DTNA: variants seen among roughly 807,000 people sequenced by gnomAD.
The protein encoded by DTNA is dystrophin-related protein 3.
A neutral mutation model predicts 100.7 loss-of-function variants in DTNA; 43 were observed. That is an observed-to-expected ratio of 0.43 (90% CI 0.33 to 0.55). The LOEUF (loss-of-function observed/expected upper bound fraction) is 0.55. DTNA is among the 20% of genes least tolerant of loss of function. The probability of loss-of-function intolerance (pLI) is 0.04; values close to 1 mark genes in which losing one functional copy is unlikely to be tolerated. For missense variants in DTNA, 798 were observed against 953.9 expected (o/e 0.84, Z 2.15); for synonymous variants, 349 against 347.9 (o/e 1.00, Z -0.04).
chr18:34,713,952 G>A (rs2083417778), intron 1 of DTNA, among the ~76,000 whole-genome samples: 1 of 152,012 alleles, frequency 6.6e-6, no homozygotes, highest in Non-Finnish European at 1.5e-5. Context: ...GCTGATCTTT[G>A]ACAAACCTGA....
rs1161269157 is a variant in DTNA, at chr18:34,885,009, A to G, written c.*31+233A>G. Among the ~76,000 whole-genome samples, 5 of 152,182 alleles carry G rather than the reference A, an allele frequency of 3.3e-5. No homozygotes were observed. The East Asian group carries it at 9.6e-4, about 29-fold the overall frequency. The stretch of plus-strand genomic sequence containing the variant: ...ACTTCTTACTCTATTAGCTAGGAAA[A>G]TTGGCACAAAGCTTCTAAACCTAGA... On this transcript the variant is annotated intron_variant, in intron 22 of 22. Coordinates refer to ENST00000444659, the MANE Select transcript of DTNA (RefSeq NM_001386795.1).
rs114795935 is a variant in DTNA, at chr18:34,833,611, A to C, written c.1175+4122A>C. Among the ~76,000 whole-genome samples the C allele has an allele frequency of 8.3e-3, 1,270 of 152,296 alleles. 18 individuals carry two copies. The highest frequency in any genetic ancestry group is 0.028 in the African/African-American group (1,145 of 41,558). ...TCAAAATTTACCATGCCATGCCCTC[A>C]AAGGTATGGCTGTTCCCACAACCAT... On this transcript the variant is annotated intron_variant, in intron 11 of 22. Coordinates refer to ENST00000444659, the MANE Select transcript of DTNA (RefSeq NM_001386795.1).
At chr18:34,507,816 G>A (rs987713879) in intron 1 of DTNA, among the ~76,000 whole-genome samples, 1 of 152,116 alleles carries the variant, frequency 6.6e-6, no homozygotes, top group African/African-American at 2.4e-5. Flanking sequence ...AGCTATACAG[G>A]GGATTGTGCT....
chr18:34,740,929 G>A (rs1481346687), intron 1 of DTNA, among the ~76,000 whole-genome samples: 2 of 152,186 alleles, frequency 1.3e-5, no homozygotes, highest in African/African-American at 2.4e-5. Flanking sequence ...TGTTTGTGGA[G>A]TGGAGGTGAT....
chr18:34,818,604 A>G, intron 8 of DTNA: 1 of 1,276,640 alleles, frequency 7.8e-7, no homozygotes, highest in East Asian at 3.7e-5. Flanking sequence ...TTTAAATAAC[A>G]ACTGAATAGC....
chr18:34,855,745 A>C (rs1429388740), intron 15 of DTNA, among the ~76,000 whole-genome samples: 2 of 152,222 alleles, frequency 1.3e-5, no homozygotes, highest in Non-Finnish European at 2.9e-5. Flanking sequence ...TCTTAGAAAG[A>C]AAAGACTAAC....
At chr18:34,820,467 T>A (rs925926486) in intron 8 of DTNA, among the ~76,000 whole-genome samples, 2 of 152,196 alleles carry the variant, frequency 1.3e-5, no homozygotes, top group Non-Finnish European at 2.9e-5. Flanking sequence ...CCCTTCACTG[T>A]TGCTGCTTCC....
intron 2 of DTNA, among the ~76,000 whole-genome samples, chr18:34,761,582 A>T (rs2093173989): frequency 6.6e-6 from 1 of 152,154 alleles, no homozygotes; most frequent in South Asian, 2.1e-4. Flanking sequence ...AGAAAGGAAA[A>T]ACTGCTGTTG....
chr18:34,830,366 A>G (rs1568683647), intron 11 of DTNA, among the ~76,000 whole-genome samples: 2 of 152,118 alleles, frequency 1.3e-5, no homozygotes, highest in Non-Finnish European at 2.9e-5. Context: ...AATGAGGCTG[A>G]ATTGAAATCC....
At chr18:34,645,450 G>A (rs948516796) in intron 1 of DTNA, among the ~76,000 whole-genome samples, 1 of 152,026 alleles carries the variant, frequency 6.6e-6, no homozygotes, top group Non-Finnish European at 1.5e-5. Flanking sequence ...ATTGACTAAG[G>A]GAAGAGGAAA....
At chr18:34,718,073 G>T (rs1229983511) in intron 1 of DTNA, among the ~76,000 whole-genome samples, 1 of 152,150 alleles carries the variant, frequency 6.6e-6, no homozygotes, top group Non-Finnish European at 1.5e-5. Flanking sequence ...TATCTTTTAA[G>T]CCCCCTTGAA....
intron 3 of DTNA, among the ~76,000 whole-genome samples, chr18:34,773,563 A>AT (rs2093892447): frequency 6.6e-6 from 1 of 152,160 alleles, no homozygotes; most frequent in Admixed American, 6.5e-5. Flanking sequence ...TTTACTACAT[A>AT]TTTTCATTCC....
chr18:34,499,033 T>C (rs2039601682), intron 1 of DTNA, among the ~76,000 whole-genome samples: 1 of 152,156 alleles, frequency 6.6e-6, no homozygotes, highest in East Asian at 1.9e-4. Flanking sequence ...TAGTACAATA[T>C]CACAACCAGG....
At chr18:34,522,482 C>T (rs1180311035) in intron 1 of DTNA, among the ~76,000 whole-genome samples, 2 of 152,190 alleles carry the variant, frequency 1.3e-5, no homozygotes, top group African/African-American at 4.8e-5. Context: ...TTGCTTCTTA[C>T]CTCTCACACT....
Position 34,863,946 on chromosome 18 carries a change from G to T in DTNA, c.1647-20G>T. On this transcript the variant is annotated intron_variant, in intron 16 of 22. Coordinates refer to ENST00000444659, the MANE Select transcript of DTNA (RefSeq NM_001386795.1). ...CAGAGAGTTGCATGCCGCTTCTGAT[G>T]TCAGCTGCTTCTTTCTTAGACAGCG... is the stretch of plus-strand genomic sequence containing the variant. 1.3e-6 allele frequency: 2 copies of T among 1,599,030 alleles called. No homozygotes were observed. The highest frequency in any genetic ancestry group is 1.7e-5 in the Admixed American group (1 of 58,990).
At chr18:34,598,865 C>CA (rs200715907) in intron 1 of DTNA, among the ~76,000 whole-genome samples, 16 of 148,488 alleles carry the variant, frequency 1.1e-4, no homozygotes, top group African/African-American at 3.7e-4. Context: ...GACTCCATCT[C>CA]AAAAAAAAAA....
chr18:34,836,516 C>T (rs1056923585), intron 11 of DTNA, among the ~76,000 whole-genome samples: 7 of 151,802 alleles, frequency 4.6e-5, no homozygotes, highest in South Asian at 2.1e-4. Context: ...GGTGTGGTGG[C>T]GCATGCCTGT....
intron 1 of DTNA, among the ~76,000 whole-genome samples, chr18:34,647,276 TG>T (rs1317106134): frequency 2.6e-5 from 4 of 152,290 alleles, no homozygotes; most frequent in African/African-American, 9.6e-5. Context: ...CAGTCCAGGA[TG>T]GGTGGTCCTG....
At chr18:34,711,995 A>T (rs1487485793) in intron 1 of DTNA, among the ~76,000 whole-genome samples, 1 of 152,160 alleles carries the variant, frequency 6.6e-6, no homozygotes, top group Non-Finnish European at 1.5e-5. Flanking sequence ...TTTCATAAAC[A>T]TAAGTTGTTA....
Sources: allele counts gnomAD v4.1 joint callset (sites outside exome capture counted in the v4.1 genomes callset), GRCh38; gene constraint gnomAD v4.1.1; transcripts MANE v1.5; gene names NCBI Gene and HGNC (gene_info 2026-07-23, HGNC 2026-07-21).